Variants in CELF2 observed in about 807,000 individuals in gnomAD.
CELF2 encodes the protein CUGBP Elav-like family member 2, also known as CUG triplet repeat RNA-binding protein 2.
A neutral mutation model predicts 62.6 loss-of-function variants in CELF2; 8 were observed. The ratio of observed to expected loss-of-function variants is 0.13; its 90% CI spans 0.07 to 0.23. CELF2 has a LOEUF of 0.23. CELF2 is among the 10% of genes least tolerant of loss of function. The pLI, the probability that CELF2 is intolerant of heterozygous loss-of-function variation, is 1.00. For synonymous variants in CELF2, 258 were observed against 250.0 expected, an observed-to-expected ratio of 1.03 and a Z score of -0.30; for missense variants, 333 against 671.0, an observed-to-expected ratio of 0.50 and a Z score of 5.56.
At chr10:10,772,060 A>C in the CELF2 span, among the ~76,000 whole-genome samples, 2 of 152,216 alleles carry the variant, frequency 1.3e-5, no homozygotes, top group African/African-American at 4.8e-5. Flanking sequence ...AATGGAGTAG[A>C]ACTTCATTAC....
In CELF2 at chr10:11,329,084, T is replaced by G. The variant is rs1314981956; in HGVS notation, c.*31T>G. The G allele has an allele frequency of 1.9e-6, 3 of 1,590,036 alleles. No homozygotes were observed. Among genetic ancestry groups the G allele is most frequent in the Non-Finnish European group, 2.6e-6 (3 of 1,162,908 alleles). ...ACCCCAGAGGCTCCCTGCTCTCATT[T>G]TAGCTTTCTTAGGGTAAGTCCCACG... On this transcript the variant is annotated 3_prime_UTR_variant, in exon 13 of 13. Transcript: ENST00000633077. This position sits in a 1 kb window ranked among gnomAD's most constrained non-coding sequence, Gnocchi z 5.5.
the CELF2 span, among the ~76,000 whole-genome samples, chr10:10,675,608 T>G: frequency 1.3e-5 from 2 of 151,936 alleles, no homozygotes; most frequent in Non-Finnish European, 2.9e-5. Context: ...ATTTTATGTC[T>G]TTTTTTTAGT....
intron 1 of CELF2, among the ~76,000 whole-genome samples, chr10:10,846,716 G>A (rs923193509): frequency 2.0e-5 from 3 of 152,232 alleles, no homozygotes; most frequent in East Asian, 1.9e-4. Context: ...TGAGCAGAAC[G>A]ATGCCCTTGC....
At chr10:10,667,438 T>C in the CELF2 span, among the ~76,000 whole-genome samples, 1 of 152,118 alleles carries the variant, frequency 6.6e-6, no homozygotes, top group South Asian at 2.1e-4. Flanking sequence ...TGTCAATACA[T>C]AGAAAAGGAG....
intron 1 of CELF2, among the ~76,000 whole-genome samples, chr10:11,164,467 GCT>G (rs2066482920): frequency 1.3e-5 from 2 of 152,278 alleles, no homozygotes; most frequent in Admixed American, 6.5e-5. Context: ...TTATGGTTGT[GCT>G]CTCTGTCAGC....
At chr10:10,685,987 C>G in the CELF2 span, among the ~76,000 whole-genome samples, 1 of 152,084 alleles carries the variant, frequency 6.6e-6, no homozygotes, top group Non-Finnish European at 1.5e-5. Flanking sequence ...GTGGCTTGCC[C>G]TCCTTGATCT....
intron 1 of CELF2, among the ~76,000 whole-genome samples, chr10:11,053,544 G>C (rs1243119498): frequency 6.8e-6 from 1 of 147,820 alleles, no homozygotes; most frequent in Non-Finnish European, 1.5e-5. Flanking sequence ...TGTTATTCTT[G>C]TTCCAAGAAA....
chr10:10,728,500 A>T, the CELF2 span, among the ~76,000 whole-genome samples: 1 of 151,800 alleles, frequency 6.6e-6, no homozygotes, highest in Non-Finnish European at 1.5e-5. Context: ...GCAAGCAAAG[A>T]AACAGGGGCA....
intron 8 of CELF2, among the ~76,000 whole-genome samples, chr10:11,281,858 C>A (rs540336155): frequency 1.3e-5 from 2 of 152,228 alleles, no homozygotes; most frequent in Non-Finnish European, 2.9e-5. Flanking sequence ...AATGAAGACA[C>A]GATCACAAGT....
chr10:11,029,775 T>C (rs561362335), intron 1 of CELF2, among the ~76,000 whole-genome samples: 1 of 152,366 alleles, frequency 6.6e-6, no homozygotes, highest in Non-Finnish European at 1.5e-5. Context: ...TCTGTACAAA[T>C]TAATTGGTAC....
chr10:11,139,441 C>T (rs931955094), intron 1 of CELF2, among the ~76,000 whole-genome samples: 6 of 152,050 alleles, frequency 3.9e-5, no homozygotes, highest in Admixed American at 6.6e-5. Flanking sequence ...GATTGACTTT[C>T]GAGGAATATT....
chr10:11,007,420 A>C (rs2055479080), intron 1 of CELF2, among the ~76,000 whole-genome samples: 1 of 152,232 alleles, frequency 6.6e-6, no homozygotes, highest in Non-Finnish European at 1.5e-5. Context: ...TATTAAAATA[A>C]ATGTTACCGG....
At chr10:11,226,599 G>GCC (rs1054183357) in intron 3 of CELF2, among the ~76,000 whole-genome samples, 5 of 86,668 alleles carry the variant, frequency 5.8e-5, no homozygotes, top group African/African-American at 2.4e-4. Flanking sequence ...GCAGGCAGTG[G>GCC]CCACACACAC....
At chr10:11,118,207 G>A (rs1214082746) in intron 1 of CELF2, among the ~76,000 whole-genome samples, 3 of 151,940 alleles carry the variant, frequency 2.0e-5, no homozygotes, top group Admixed American at 1.3e-4. Flanking sequence ...TGCATGATAA[G>A]CAAACCCCAT....
intron 1 of CELF2, among the ~76,000 whole-genome samples, chr10:11,132,164 G>A (rs935858853): frequency 1.3e-5 from 2 of 152,188 alleles, no homozygotes; most frequent in African/African-American, 4.8e-5. Flanking sequence ...TAACAATTTT[G>A]CTGCCAATTA....
chr10:10,549,671 G>A, the CELF2 span, among the ~76,000 whole-genome samples: 2 of 152,110 alleles, frequency 1.3e-5, no homozygotes, highest in African/African-American at 2.4e-5. Context: ...CTCTGTGCTT[G>A]TCTATGTTCT....
At position 11,275,023 on chromosome 10, in the gene CELF2, C is replaced by G. The variant is rs747279268; in HGVS notation, c.778-34C>G. ...AATGAGGGAGTTACTTTGCTCTCAC[C>G]GTCTCCACTTTGCCCTTGTGTGTTC... On this transcript the variant is annotated intron_variant, in intron 7 of 12. Transcript: ENST00000633077. 3.1e-5 allele frequency: 50 copies of G among 1,606,874 alleles called. 1 individual carries two copies. In the South Asian group the frequency reaches 5.4e-4, roughly 17 times the overall value.
chr10:10,630,571 G>A, the CELF2 span, among the ~76,000 whole-genome samples: 1 of 152,134 alleles, frequency 6.6e-6, no homozygotes, highest in Non-Finnish European at 1.5e-5. Flanking sequence ...GGTAGAGATT[G>A]TCACTAGATG....
intron 1 of CELF2, among the ~76,000 whole-genome samples, chr10:11,052,652 G>A (rs956797422): frequency 5.3e-5 from 8 of 152,204 alleles, no homozygotes; most frequent in Non-Finnish European, 8.8e-5. Context: ...CACTTCTGCC[G>A]ATCCTTAACA....
Sources: allele counts gnomAD v4.1 joint callset (sites outside exome capture counted in the v4.1 genomes callset), GRCh38; gene constraint gnomAD v4.1.1; non-coding constraint Gnocchi (gnomAD v3.1); transcripts MANE v1.5; gene names NCBI Gene and HGNC (gene_info 2026-07-23, HGNC 2026-07-21).